Variants in MRE11 observed in about 807,000 individuals in gnomAD.
The protein encoded by MRE11 is double-strand break repair protein MRE11.
MRE11 carries 62 observed loss-of-function variants against 91.7 expected under a neutral mutation model. The observed-to-expected ratio is 0.68, with a 90% confidence interval of 0.55 to 0.84. The LOEUF is 0.84. MRE11 is among the 40% of genes least tolerant of loss of function. MRE11 has a pLI of 0.00. For synonymous variants in MRE11, 273 were observed against 271.4 expected, an observed-to-expected ratio of 1.01 and a Z score of -0.06; for missense variants, 796 against 852.9, an observed-to-expected ratio of 0.93 and a Z score of 0.83.
chr11:94,473,750 T>C (rs1946776072), intron 7 of MRE11, among the ~76,000 whole-genome samples: 1 of 152,068 alleles, frequency 6.6e-6, no homozygotes, highest in Non-Finnish European at 1.5e-5. Flanking sequence ...TACACAAACA[T>C]TGTAACCTAG....
chr11:94,419,935 GCTCTTACTACAACAAC>G lies in MRE11; in HGVS notation c.*174_*189del. ...TACTCAAGAGTGATATTGAAACAAA[GCTCTTACTACAACAAC>G]CAGGTTAAAAAAACAAGGTGAATCA... On this transcript the variant is annotated 3_prime_UTR_variant, in exon 20 of 20. Transcript: ENST00000323929. The G allele has an allele frequency of 2.1e-6, 1 of 468,248 alleles. No individual in the cohort carries two copies. Among genetic ancestry groups the G allele is most frequent in the Non-Finnish European group, 3.9e-6 (1 of 259,350 alleles). The allele number at this position is 468,248 out of a possible 1,614,324, so 29.0% of individuals were successfully genotyped here. A position where few individuals can be genotyped will look rare whatever the true frequency, so the allele number is the denominator to read the frequency against.
At chr11:94,491,101 T>G (rs556240226) in intron 2 of MRE11, 136 bp from the exon 3 acceptor site, 2 of 635,484 alleles carry the variant, frequency 3.1e-6, no homozygotes, top group East Asian at 2.8e-5. Context: ...AGAGTTCATC[T>G]GAAAATCTGA....
upstream of MRE11, among the ~76,000 whole-genome samples, chr11:94,495,899 C>T (rs1355468234): frequency 6.6e-6 from 1 of 152,110 alleles, no homozygotes; most frequent in African/African-American, 2.4e-5. Context: ...ATTATTGAAT[C>T]CCAGTACCCA....
At chr11:94,501,156 A>G in the MRE11 span, among the ~76,000 whole-genome samples, 2 of 152,210 alleles carry the variant, frequency 1.3e-5, no homozygotes, top group Non-Finnish European at 2.9e-5. Context: ...TAAGTTCAGA[A>G]GAGAGTAAAC....
intron 14 of MRE11, among the ~76,000 whole-genome samples, chr11:94,453,069 A>T (rs1284654068): frequency 6.6e-6 from 1 of 152,156 alleles, no homozygotes; most frequent in Non-Finnish European, 1.5e-5. Flanking sequence ...ATATAAGTAG[A>T]GTCATATAAT....
At chr11:94,443,713 T>C (rs921977087) in intron 16 of MRE11, among the ~76,000 whole-genome samples, 1 of 152,210 alleles carries the variant, frequency 6.6e-6, no homozygotes, top group Non-Finnish European at 1.5e-5. Context: ...TGCAATTGCA[T>C]GTGAGTACTT....
chr11:94,468,937 G>A (rs1357570697), intron 9 of MRE11, among the ~76,000 whole-genome samples: 1 of 152,144 alleles, frequency 6.6e-6, no homozygotes, highest in Non-Finnish European at 1.5e-5. Context: ...CATTTATAGA[G>A]CATCATTTTG....
chr11:94,499,522 G>A, the MRE11 span: 1 of 151,960 alleles, frequency 6.6e-6, no homozygotes, highest in African/African-American at 2.4e-5. Context: ...TGTGGATAAT[G>A]ACAAAAAGCA....
intron 1 of MRE11, 106 bp from the exon 2 acceptor site, chr11:94,493,012 AATTTAGAAGTCTC>A (rs879795630): frequency 5.2e-6 from 3 of 573,588 alleles, no homozygotes; most frequent in Non-Finnish European, 9.2e-6. Flanking sequence ...TAGACTGGCA[AATTTAGAAGTCTC>A]ATTTTCATCT....
chr11:94,456,392 T>C (rs546910574), intron 13 of MRE11, 54 bp from the exon 14 acceptor site: 2 of 1,389,076 alleles, frequency 1.4e-6, no homozygotes, highest in East Asian at 4.6e-5. Context: ...GTTATGTAAA[T>C]ATAAAACAAG....
At chr11:94,427,544 G>T (rs1208373985) in intron 19 of MRE11, among the ~76,000 whole-genome samples, 1 of 152,102 alleles carries the variant, frequency 6.6e-6, no homozygotes, top group East Asian at 1.9e-4. Flanking sequence ...CCTAGCCAGA[G>T]CAATCAGGCA....
the MRE11 span, among the ~76,000 whole-genome samples, chr11:94,505,384 A>G: frequency 6.6e-6 from 1 of 152,146 alleles, no homozygotes; most frequent in Non-Finnish European, 1.5e-5. Context: ...TGATGACCCT[A>G]TTTTGGCCTT....
chr11:94,429,877 AATT>A (rs1565202114), intron 19 of MRE11, 31 bp downstream of exon 19: 4 of 1,541,764 alleles, frequency 2.6e-6, no homozygotes, highest in Non-Finnish European at 2.6e-6. Flanking sequence ...TAAAGTTAAA[AATT>A]AATTAAAATT....
intron 14 of MRE11, among the ~76,000 whole-genome samples, chr11:94,454,760 A>T (rs16920467): frequency 0.056 from 8,547 of 152,206 alleles, 323 homozygotes; most frequent in Admixed American, 0.11. Context: ...TTAATGAAAA[A>T]TTGAGGTTTG....
At chr11:94,480,730 A>T (rs147181821) in intron 4 of MRE11, among the ~76,000 whole-genome samples, 215 of 152,334 alleles carry the variant, frequency 1.4e-3, no homozygotes, top group African/African-American at 4.9e-3. Context: ...CTACCTCACT[A>T]ACACAGTAGG....
chr11:94,506,593 GTT>G, the MRE11 span, among the ~76,000 whole-genome samples: 1 of 140,872 alleles, frequency 7.1e-6, no homozygotes, highest in African/African-American at 2.6e-5. Flanking sequence ...TGCTTTTTTT[GTT>G]TTTTTTTTTT....
chr11:94,456,205 A>C, intron 14 of MRE11, 71 bp downstream of exon 14: 2 of 1,447,758 alleles, frequency 1.4e-6, no homozygotes, highest in Non-Finnish European at 1.9e-6. Flanking sequence ...GACTATTCTA[A>C]CTAAACCTAC....
At chr11:94,466,584 A>G (rs893000393) in intron 10 of MRE11, 1 of 471,372 alleles carries the variant, frequency 2.1e-6, no homozygotes, top group Non-Finnish European at 4.4e-6. Context: ...CCTAATACAA[A>G]CCAAGGGATA....
In MRE11 at chr11:94,416,689, CAAAAAAAAAAAAAA is replaced by C. The variant is rs1204954166; in HGVS notation, c.*3422_*3435del. On this transcript the variant is annotated 3_prime_UTR_variant, in exon 20 of 20. Transcript: ENST00000323929. The stretch of plus-strand genomic sequence containing the variant: ...AAAAACCCTGTCTCTACTAAAAATA[CAAAAAAAAAAAAAA>C]AAAAATTAGCCAGGCGTGGTGGTGG... 1.0e-5 allele frequency: 1 copy of C among 96,634 alleles called. No homozygotes were observed. Among genetic ancestry groups the C allele is most frequent in the Non-Finnish European group, 2.2e-5 (1 of 45,080 alleles). The allele number at this position is 96,634 out of a possible 1,614,324, so 6.0% of individuals were successfully genotyped here. A position where few individuals can be genotyped will look rare whatever the true frequency, so the allele number is the denominator to read the frequency against.
Sources: allele counts gnomAD v4.1 joint callset (sites outside exome capture counted in the v4.1 genomes callset), GRCh38; gene constraint gnomAD v4.1.1; transcripts MANE v1.5; gene names NCBI Gene and HGNC (gene_info 2026-07-23, HGNC 2026-07-21).